The following RCOR1 variants were observed in gnomAD, a reference collection of about 807,000 sequenced individuals.
RCOR1 encodes the protein REST corepressor 1.
Under a neutral mutation model 64.0 loss-of-function variants are expected in RCOR1, and 12 were observed. The observed-to-expected ratio is 0.19, with a 90% CI of 0.12 to 0.30. The LOEUF is 0.30. Ranked by LOEUF, RCOR1 falls within the 10% of genes least tolerant of loss-of-function variation. The probability of loss-of-function intolerance (pLI) is 1.00; values close to 1 mark genes in which losing one functional copy is unlikely to be tolerated. For synonymous variants in RCOR1, 279 were observed against 227.2 expected, an observed-to-expected ratio of 1.23 and a Z score of -2.05; for missense variants, 502 against 621.2, an observed-to-expected ratio of 0.81 and a Z score of 2.04.
intron 2 of RCOR1, among the ~76,000 whole-genome samples, chr14:102,600,493 C>T (rs1362191349): frequency 2.6e-5 from 4 of 152,094 alleles, no homozygotes; most frequent in Non-Finnish European, 5.9e-5. Context: ...CCTCTGTCTC[C>T]CAGGTTCAAG....
intron 3 of RCOR1, among the ~76,000 whole-genome samples, chr14:102,690,512 G>A (rs760279813): frequency 1.6e-4 from 25 of 152,068 alleles, no homozygotes; most frequent in Non-Finnish European, 2.2e-4. Flanking sequence ...GATCACTTGA[G>A]CCCAGGAGGT....
At chr14:102,691,237 T>TA (rs1895525065) in intron 3 of RCOR1, among the ~76,000 whole-genome samples, 1 of 152,164 alleles carries the variant, frequency 6.6e-6, no homozygotes, top group Non-Finnish European at 1.5e-5. Flanking sequence ...TATTCTCACT[T>TA]ACAAGTGGGA....
intron 2 of RCOR1, among the ~76,000 whole-genome samples, chr14:102,642,142 C>G (rs565019946): frequency 1.6e-4 from 25 of 152,218 alleles, no homozygotes; most frequent in African/African-American, 5.8e-4. Context: ...CCCTTTACTC[C>G]TCGTGCCCCA....
chr14:102,701,895 T>C, intron 4 of RCOR1, among the ~76,000 whole-genome samples: 1 of 152,120 alleles, frequency 6.6e-6, no homozygotes, highest in East Asian at 1.9e-4. Context: ...GCCTGGCTAA[T>C]TTTTGTATTT....
intron 2 of RCOR1, among the ~76,000 whole-genome samples, chr14:102,596,104 A>ATT (rs776775021): frequency 7.0e-6 from 1 of 142,322 alleles, no homozygotes. Flanking sequence ...ATGATACAAC[A>ATT]TTTTTTTTTT....
chr14:102,625,533 C>G (rs1206576912), intron 2 of RCOR1, among the ~76,000 whole-genome samples: 1 of 138,636 alleles, frequency 7.2e-6, no homozygotes, highest in African/African-American at 2.6e-5. Context: ...CCGCGCCTGG[C>G]TTTTTTTTTT....
At chr14:102,661,171 AC>A (rs1431125777) in intron 2 of RCOR1, among the ~76,000 whole-genome samples, 1 of 152,060 alleles carries the variant, frequency 6.6e-6, no homozygotes. Context: ...GCATGGTGAA[AC>A]CCTGTCTGTA....
chr14:102,664,146 C>T (rs1894873857), intron 2 of RCOR1, among the ~76,000 whole-genome samples: 1 of 152,172 alleles, frequency 6.6e-6, no homozygotes, highest in Non-Finnish European at 1.5e-5. Context: ...CTCACTCCGT[C>T]ACCCGCTGGA....
At chr14:102,722,047 A>G (rs541376225) in intron 10 of RCOR1, 140 bp from the exon 11 acceptor site, 55 of 655,528 alleles carry the variant, frequency 8.4e-5, no homozygotes, top group African/African-American at 7.5e-4. Context: ...ACTTTTTCCT[A>G]CTCTAATAAT....
intron 11 of RCOR1, among the ~76,000 whole-genome samples, 163 bp from the exon 12 acceptor site, chr14:102,726,305 G>A (rs1392956245): frequency 8.0e-5 from 12 of 150,274 alleles, no homozygotes; most frequent in Admixed American, 5.3e-4. Flanking sequence ...CAGCCTGGGA[G>A]ACAGAGTGAG....
chr14:102,624,042 A>G (rs551720076), intron 2 of RCOR1, among the ~76,000 whole-genome samples: 2 of 151,418 alleles, frequency 1.3e-5, no homozygotes, highest in South Asian at 4.2e-4. Context: ...AAAAAATACA[A>G]AACATTAGCT....
Position 102,658,704 on chromosome 14 carries a change from C to G in RCOR1, c.362-23191C>G, listed in dbSNP as rs1468431524. The stretch of plus-strand genomic sequence containing the variant: ...AACACTGATACATTACTAAGTTCCA[C>G]ATTTTATTTAGATTCCAATAGTTTT... On this transcript the variant is annotated intron_variant, in intron 2 of 11. Coordinates refer to ENST00000262241, the MANE Select transcript of RCOR1 (RefSeq NM_015156.4). The G allele has an allele frequency of 4.7e-6, 4 of 843,526 alleles. No homozygotes were observed. In the African/African-American group the frequency reaches 5.5e-5, roughly 12 times the overall value. 52.3% of individuals were successfully genotyped at this position (843,526 alleles called of 1,614,324 possible). A position where few individuals can be genotyped will look rare whatever the true frequency, so the allele number is the denominator to read the frequency against.
chr14:102,689,766 C>CT (rs1895495228), intron 3 of RCOR1, among the ~76,000 whole-genome samples: 1 of 152,096 alleles, frequency 6.6e-6, no homozygotes, highest in South Asian at 2.1e-4. Context: ...TTTTTTGAGA[C>CT]AGAGTCTCGC....
At chr14:102,724,282 T>A (rs1896220882) in intron 11 of RCOR1, among the ~76,000 whole-genome samples, 1 of 152,104 alleles carries the variant, frequency 6.6e-6, no homozygotes, top group Admixed American at 6.6e-5. Flanking sequence ...CTTTACAAAC[T>A]TTTTCACTCC....
At chr14:102,650,117 G>T (rs1273739257) in intron 2 of RCOR1, among the ~76,000 whole-genome samples, 1 of 150,512 alleles carries the variant, frequency 6.6e-6, no homozygotes, top group East Asian at 1.9e-4. Context: ...AGAATGGTGT[G>T]AACCTGGGAG....
Position 102,726,650 on chromosome 14 carries a change from C to T in RCOR1, c.*144C>T. On this transcript the variant is annotated 3_prime_UTR_variant, in exon 12 of 12. Coordinates refer to ENST00000262241, the MANE Select transcript of RCOR1 (RefSeq NM_015156.4). Reference sequence around the variant, plus strand: ...AAAGGCATATACTTCCAGTCCTGTGCTCCATCTGCCTTAATTCTTTGCTCG... The same window carrying T: ...AAAGGCATATACTTCCAGTCCTGTGTTCCATCTGCCTTAATTCTTTGCTCG... 1 of 663,886 alleles carries T rather than the reference C, an allele frequency of 1.5e-6. No homozygotes were observed. The highest frequency in any genetic ancestry group is 1.9e-5 in the South Asian group (1 of 52,414). 41.1% of individuals were successfully genotyped at this position (663,886 alleles called of 1,614,324 possible).
intron 10 of RCOR1, 90 bp downstream of exon 10, chr14:102,721,467 C>G: frequency 1.1e-6 from 1 of 928,660 alleles, no homozygotes; most frequent in Non-Finnish European, 1.7e-6. Context: ...GACGCATTTG[C>G]TTGAGCCCAG....
intron 4 of RCOR1, among the ~76,000 whole-genome samples, chr14:102,705,652 T>C (rs905783664): frequency 6.6e-6 from 1 of 152,094 alleles, no homozygotes; most frequent in Non-Finnish European, 1.5e-5. Flanking sequence ...AGATTCATGG[T>C]CTTGCTAAGT....
intron 2 of RCOR1, among the ~76,000 whole-genome samples, chr14:102,675,187 T>C (rs1164734761): frequency 6.6e-6 from 1 of 152,118 alleles, no homozygotes; most frequent in Non-Finnish European, 1.5e-5. Context: ...TTGATTTACA[T>C]ATAGCAAAAC....
Sources: gnomAD v4.1 joint callset for allele counts (sites outside exome capture counted in the v4.1 genomes callset) on GRCh38, gnomAD v4.1.1 for gene constraint, MANE v1.5 for transcripts, NCBI Gene and HGNC (gene_info 2026-07-23, HGNC 2026-07-21) for gene names.